Variants in PLG observed in about 807,000 individuals in gnomAD.
PLG encodes the protein plasmin.
PLG carries 41 observed loss-of-function variants against 104.4 expected under a neutral mutation model. That is an observed-to-expected ratio of 0.39 (90% CI 0.31 to 0.51). PLG has a LOEUF of 0.51. Among genes scored for constraint, PLG ranks in the 20% least tolerant of loss-of-function variants. PLG has a pLI of 0.76. For missense variants in PLG, 891 were observed against 1,003.6 expected, an observed-to-expected ratio of 0.89 and a Z score of 1.52; for synonymous variants, 337 against 357.1, an observed-to-expected ratio of 0.94 and a Z score of 0.63.
At position 160,734,386 on chromosome 6, in the gene PLG, G is replaced by A. The variant is rs907454424; in HGVS notation, c.1681+298G>A. Among the ~76,000 whole-genome samples the A allele has an allele frequency of 1.5e-4, 23 of 152,152 alleles. No homozygotes were observed. The highest frequency in any genetic ancestry group is 5.6e-4 in the African/African-American group (23 of 41,422). ...GTCCCACTGAATGCTGCCATGTCTA[G>A]CGTGGGATGCATGAAAAATTTAGAG... On this transcript the variant is annotated intron_variant, in intron 13 of 18. Transcript: ENST00000308192. This position sits in a 1 kb window ranked among gnomAD's most constrained non-coding sequence, Gnocchi z 4.4.
intron 3 of PLG, 134 bp downstream of exon 3, chr6:160,707,940 A>G: frequency 1.3e-6 from 1 of 788,286 alleles, no homozygotes; most frequent in East Asian, 2.5e-5. Flanking sequence ...ATTCTGAGTT[A>G]GGACAGGATT....
rs769305013 is a variant in PLG at position 160,707,751 on chromosome 6, C to T, written c.237C>T (p.Asn79=). Residue 79 remains asparagine (N), a synonymous_variant, in exon 3 of 19, where the codon AAC becomes AAT. Transcript: ENST00000308192. ...AACAATGTGTGATAATGGCTGAAAA[C>T]AGGAAGTCCTCCATAATCATTAGGA... ...KEQQCVIMAE[N]RKSSIIIRMR... is the part of the protein sequence containing the mutation. The T allele has an allele frequency of 1.2e-6, 2 of 1,611,564 alleles. No individual in the cohort carries two copies. Among genetic ancestry groups the T allele is most frequent in the Non-Finnish European group, 1.7e-6 (2 of 1,179,484 alleles).
Position 160,738,958 on chromosome 6 carries a change from CTAA to C in PLG, c.1878-108_1878-106del. ...TTTGCTTCTTGCCACTCAGAAGTCACTAATTCTGAGTGGCCAAGGGTGTCAGGG... is the reference window on the plus strand; with the variant it reads ...TTTGCTTCTTGCCACTCAGAAGTCACTTCTGAGTGGCCAAGGGTGTCAGGG... On this transcript the variant is annotated intron_variant, in intron 15 of 18. Coordinates refer to ENST00000308192, the MANE Select transcript of PLG (RefSeq NM_000301.5). This position sits in a 1 kb window ranked among gnomAD's most constrained non-coding sequence, Gnocchi z 6.8. 7.7e-7 allele frequency: 1 copy of C among 1,292,928 alleles called. No homozygotes were observed. The highest frequency in any genetic ancestry group is 1.1e-6 in the Non-Finnish European group (1 of 890,724). 80.1% of individuals were successfully genotyped at this position (1,292,928 alleles called of 1,614,324 possible). A position where few individuals can be genotyped will look rare whatever the true frequency, so the allele number is the denominator to read the frequency against.
chr6:160,733,844 C>CAAAAAAAAAAAAAAAAAAAAAAAAA (rs750182802), intron 12 of PLG, 151 bp from the exon 13 acceptor site: 1 of 327,636 alleles, frequency 3.1e-6, no homozygotes. Context: ...AACTCCACCT[C>CAAAAAAAAAAAAAAAAAAAAAAAAA]AGAAAAAAAA....
chr6:160,722,223 A>G (rs1053193192), intron 9 of PLG, among the ~76,000 whole-genome samples, 185 bp from the exon 10 acceptor site: 3 of 152,220 alleles, frequency 2.0e-5, no homozygotes, highest in African/African-American at 7.2e-5. Flanking sequence ...TAAATGAAAT[A>G]TTACTAGGAA....
chr6:160,747,698 C>T (rs1032610220), intron 17 of PLG, among the ~76,000 whole-genome samples: 2 of 152,130 alleles, frequency 1.3e-5, no homozygotes, highest in Admixed American at 1.3e-4. Flanking sequence ...CTTTCCTTTT[C>T]CTGTGCTTTT....
At chr6:160,746,626 G>A (rs1008854807) in intron 17 of PLG, among the ~76,000 whole-genome samples, 2 of 152,172 alleles carry the variant, frequency 1.3e-5, no homozygotes, top group African/African-American at 4.8e-5. Flanking sequence ...CTGAATTCCA[G>A]TTCTATCATT....
Position 160,741,608 on chromosome 6 carries a change from G to T in PLG, c.2125+191G>T, listed in dbSNP as rs1257966811. 6.6e-6 allele frequency among the ~76,000 whole-genome samples: 1 copy of T among 152,088 alleles called. No individual in the cohort carries two copies. Among genetic ancestry groups the T allele is most frequent in the African/African-American group, 2.4e-5 (1 of 41,380 alleles). The stretch of plus-strand genomic sequence containing the variant: ...GCACATGATCAAAGGGAGGAAAACT[G>T]TGTCTTTGAGTCTCTCTCTCTCTCT... On this transcript the variant is annotated intron_variant, in intron 17 of 18. Coordinates refer to ENST00000308192, the MANE Select transcript of PLG (RefSeq NM_000301.5). The surrounding 1 kb of genome is among the most constrained non-coding windows in gnomAD (Gnocchi z 4.7).
chr6:160,736,338 A>C lies in PLG; in HGVS notation c.1682-549A>C, dbSNP rs2115177675. Among the ~76,000 whole-genome samples, 1 of 152,340 alleles carries C rather than the reference A, an allele frequency of 6.6e-6. No individual in the cohort carries two copies. Among genetic ancestry groups the C allele is most frequent in the South Asian group, 2.1e-4 (1 of 4,826 alleles). Reference sequence around the variant, plus strand: ...AGCTGTCCTGAAGCTGGCTGACAGAAGGCAACATTTCAACTTAGGACAGTA... The same window carrying C: ...AGCTGTCCTGAAGCTGGCTGACAGACGGCAACATTTCAACTTAGGACAGTA... On this transcript the variant is annotated intron_variant, in intron 13 of 18. Coordinates refer to ENST00000308192, the MANE Select transcript of PLG (RefSeq NM_000301.5). The surrounding 1 kb of genome is among the most constrained non-coding windows in gnomAD (Gnocchi z 5.2).
At position 160,753,839 on chromosome 6, in the gene PLG, C is replaced by A. The variant is rs11902; in HGVS notation, c.*778C>A. Among the ~76,000 whole-genome samples, 2 of 151,982 alleles carry A rather than the reference C, an allele frequency of 1.3e-5. No homozygotes were observed. The highest frequency in any genetic ancestry group is 4.8e-5 in the African/African-American group (2 of 41,352). On this transcript the variant is annotated 3_prime_UTR_variant, in exon 19 of 19. Transcript: ENST00000308192. This position sits in a 1 kb window ranked among gnomAD's most constrained non-coding sequence, Gnocchi z 5.4. ...TGAAACAGTCTGCAGTACACACGGT[C>A]ACAGGAGAATGACCTGTGGGAGAGA...
intron 6 of PLG, among the ~76,000 whole-genome samples, chr6:160,716,269 T>C (rs568610214): frequency 6.6e-6 from 1 of 152,332 alleles, no homozygotes; most frequent in African/African-American, 2.4e-5. Flanking sequence ...ACTGATTCTG[T>C]TGAGTGATTT....
At chr6:160,707,005 C>G (rs1185898803) in intron 2 of PLG, among the ~76,000 whole-genome samples, 1 of 151,284 alleles carries the variant, frequency 6.6e-6, no homozygotes, top group Admixed American at 6.6e-5. Context: ...AATGCATGCT[C>G]TACCCAGATC....
Position 160,702,363 on chromosome 6 carries a change from A to G in PLG, c.49+10A>G, listed in dbSNP as rs1198006647. 6.3e-7 allele frequency: 1 copy of G among 1,584,068 alleles called. No individual in the cohort carries two copies. Among genetic ancestry groups the G allele is most frequent in the Non-Finnish European group, 8.6e-7 (1 of 1,160,464 alleles). On this transcript the variant is annotated intron_variant, in intron 1 of 18. Coordinates refer to ENST00000308192, the MANE Select transcript of PLG (RefSeq NM_000301.5). Reference sequence around the variant, plus strand: ...TTATTTCTGAAATCAGGTAAGACATAGTTTTTTTAAATTATAAGAATTATT... The same window carrying G: ...TTATTTCTGAAATCAGGTAAGACATGGTTTTTTTAAATTATAAGAATTATT...
chr6:160,710,365 G>A (rs865831052), intron 3 of PLG, among the ~76,000 whole-genome samples: 10 of 152,068 alleles, frequency 6.6e-5, no homozygotes, highest in South Asian at 2.1e-4. Context: ...GAAATGACTC[G>A]TTGTAAGCAC....
At chr6:160,705,214 G>A (rs182310711) in intron 1 of PLG, among the ~76,000 whole-genome samples, 8 of 152,306 alleles carry the variant, frequency 5.3e-5, no homozygotes, top group Non-Finnish European at 8.8e-5. Flanking sequence ...TGCCAAGGAC[G>A]GAGCTGGCAT....
intron 4 of PLG, chr6:160,711,809 T>A (rs1777648152): frequency 6.6e-7 from 1 of 1,514,686 alleles, no homozygotes. Context: ...GTTAGAACTC[T>A]CATCACATGT....
intron 7 of PLG, 64 bp from the exon 8 acceptor site, chr6:160,718,230 G>A (rs192522997): frequency 2.2e-5 from 32 of 1,431,412 alleles, no homozygotes; most frequent in Non-Finnish European, 2.5e-5. Flanking sequence ...CAGCCTGGGC[G>A]ACAGAGCGAG....
At chr6:160,748,238 G>C (rs1370013239) in intron 17 of PLG, among the ~76,000 whole-genome samples, 4 of 151,338 alleles carry the variant, frequency 2.6e-5, no homozygotes, top group Non-Finnish European at 5.9e-5. Context: ...CTGGGAGGTG[G>C]AGGTTGCAGT....
chr6:160,718,217 C>A (rs575910929), intron 7 of PLG, 77 bp from the exon 8 acceptor site: 2 of 1,308,680 alleles, frequency 1.5e-6, no homozygotes, highest in East Asian at 4.7e-5. Flanking sequence ...GTGCCACTGA[C>A]TCCAGCCTGG....
Sources: allele counts gnomAD v4.1 joint callset (sites outside exome capture counted in the v4.1 genomes callset), GRCh38; gene constraint gnomAD v4.1.1; non-coding constraint Gnocchi (gnomAD v3.1); transcripts MANE v1.5; gene names NCBI Gene and HGNC (gene_info 2026-07-23, HGNC 2026-07-21).